DNAAF9: variants seen among roughly 807,000 people sequenced by gnomAD.
The protein encoded by DNAAF9 is shulin.
In DNAAF9, 90 loss-of-function variants were observed where a neutral mutation model predicts 167.0. That is an observed-to-expected ratio of 0.54 (90% CI 0.45 to 0.64). The LOEUF (loss-of-function observed/expected upper bound fraction) is 0.64, where lower values mean the gene tolerates loss of function less well. Ranked by LOEUF, DNAAF9 falls within the 30% of genes least tolerant of loss-of-function variation. DNAAF9 has a pLI of 0.00. For missense variants in DNAAF9, 1,315 were observed against 1,442.2 expected (o/e 0.91, Z 1.43); for synonymous variants, 491 against 508.8 (o/e 0.96, Z 0.47).
At chr20:3,392,166 T>C (rs1294111051) in intron 1 of DNAAF9, among the ~76,000 whole-genome samples, 1 of 152,026 alleles carries the variant, frequency 6.6e-6, no homozygotes, top group Admixed American at 6.6e-5. Context: ...GACTCTTATC[T>C]ACAAAAAGAA....
intron 1 of DNAAF9, among the ~76,000 whole-genome samples, chr20:3,394,447 T>C (rs186587860): frequency 3.4e-3 from 522 of 152,366 alleles, no homozygotes; most frequent in South Asian, 0.017. Flanking sequence ...AAAAATGTTA[T>C]GTAATTAAAT....
chr20:3,402,632 C>T (rs920910803), intron 1 of DNAAF9, among the ~76,000 whole-genome samples: 1 of 151,878 alleles, frequency 6.6e-6, no homozygotes, highest in African/African-American at 2.4e-5. Flanking sequence ...GGCTGGAGTG[C>T]AGTGGCATGA....
chr20:3,386,761 T>C (rs897391512), intron 1 of DNAAF9, among the ~76,000 whole-genome samples: 7 of 147,320 alleles, frequency 4.8e-5, no homozygotes, highest in Admixed American at 3.3e-4. Flanking sequence ...CAAAACTCAA[T>C]GGTAAAAAAA....
At chr20:3,400,327 G>A (rs573170842) in intron 1 of DNAAF9, among the ~76,000 whole-genome samples, 2 of 152,104 alleles carry the variant, frequency 1.3e-5, no homozygotes, top group African/African-American at 4.8e-5. Context: ...ATAAAAGCTG[G>A]AGTAGTAAAC....
At chr20:3,407,365 C>T (rs1254449263) in intron 1 of DNAAF9, 110 bp downstream of exon 1, 4 of 925,598 alleles carry the variant, frequency 4.3e-6, no homozygotes, top group African/African-American at 1.7e-5. Flanking sequence ...AGCAAAGAAC[C>T]GTCCCGAGGA....
intron 10 of DNAAF9, 51 bp downstream of exon 10, chr20:3,340,453 C>CCCCCCCCCCA: frequency 1.0e-6 from 1 of 1,001,258 alleles, no homozygotes. Context: ...CACCCCACCC[C>CCCCCCCCCCA]CACAACTTGA....
At chr20:3,353,597 C>T (rs1256303437) in intron 7 of DNAAF9, among the ~76,000 whole-genome samples, 13 of 150,910 alleles carry the variant, frequency 8.6e-5, no homozygotes, top group Non-Finnish European at 1.9e-4. Context: ...CACTGCACTC[C>T]AGCCTGGGTA....
At position 3,307,145 on chromosome 20, in the gene DNAAF9, G is replaced by C. The variant is rs544014062; in HGVS notation, c.1679-2602C>G. The C allele has an allele frequency of 1.5e-5, 15 of 984,732 alleles. No individual in the cohort carries two copies. In the African/African-American group the frequency reaches 2.6e-4, roughly 17 times the overall value. 61.0% of individuals were successfully genotyped at this position (984,732 alleles called of 1,614,324 possible). ...TCAATAGGAAGATGGGAAAGGATGA[G>C]CGAGGTCATCTCCAGCATTTCCTCT... On this transcript the variant is annotated intron_variant, in intron 20 of 36. Coordinates refer to ENST00000252032, the MANE Select transcript of DNAAF9 (RefSeq NM_001009984.3).
At chr20:3,382,373 CA>C (rs1192392889) in intron 2 of DNAAF9, 53 bp downstream of exon 2, 10 of 1,408,792 alleles carry the variant, frequency 7.1e-6, no homozygotes, top group Non-Finnish European at 1.0e-5. Context: ...TTCCTGTGAA[CA>C]AAAAAAGCCA....
intron 6 of DNAAF9, among the ~76,000 whole-genome samples, chr20:3,365,172 G>A (rs2083413974): frequency 6.6e-6 from 1 of 151,904 alleles, no homozygotes; most frequent in South Asian, 2.1e-4. Context: ...ATGGGATAAT[G>A]TTATGTTGCT....
intron 25 of DNAAF9, among the ~76,000 whole-genome samples, chr20:3,292,370 GA>G (rs2068973650): frequency 6.6e-6 from 1 of 152,134 alleles, no homozygotes; most frequent in Admixed American, 6.5e-5. Flanking sequence ...TTGCCTAAGG[GA>G]AAAAATGACG....
chr20:3,252,609 T>G lies in DNAAF9; in HGVS notation c.3497A>C (p.Gln1166Pro), dbSNP rs1452535535. The G allele has an allele frequency of 1.9e-6, 3 of 1,612,044 alleles. No homozygotes were observed. Among genetic ancestry groups the G allele is most frequent in the Non-Finnish European group, 2.5e-6 (3 of 1,178,072 alleles). ...CTCAAAGAGGTCATGATACTCCTGC[T>G]GTTCCAGCTCCTGGTTATACTTCTC... ...EIEKYNQELE[Q>P]QEYHDLFELK... Residue 1166 changes from glutamine (Q) to proline (P), a missense_variant, in exon 37 of 37, where the codon CAG (glutamine) becomes CCG (proline). Gln to Pro is a moderately conservative substitution (Grantham distance 76, BLOSUM62 -1). Around this residue, in one of 2 missense-constraint regions of DNAAF9, gnomAD observed 334 missense variants for 429.7 expected, o/e 0.78. Transcript: ENST00000252032.
rs2068171624 is a variant in DNAAF9 at position 3,249,805 on chromosome 20, C to A, written c.*2767G>T. The A allele has an allele frequency of 6.6e-6, 1 of 152,174 alleles. No individual in the cohort carries two copies. Among genetic ancestry groups the A allele is most frequent in the Non-Finnish European group, 1.5e-5 (1 of 68,032 alleles). The allele number at this position is 152,174 out of a possible 1,614,324, so 9.4% of individuals were successfully genotyped here. ...TACTGTGCAAAAATTCTCCAAAATCCTAATAGAATTTAGGAGGGAACTTTT... is the reference window on the plus strand; with the variant it reads ...TACTGTGCAAAAATTCTCCAAAATCATAATAGAATTTAGGAGGGAACTTTT... On this transcript the variant is annotated 3_prime_UTR_variant, in exon 37 of 37. Coordinates refer to ENST00000252032, the MANE Select transcript of DNAAF9 (RefSeq NM_001009984.3).
At chr20:3,255,406 T>C (rs1265528679) in intron 34 of DNAAF9, 122 bp from the exon 35 acceptor site, 3 of 651,446 alleles carry the variant, frequency 4.6e-6, no homozygotes, top group Admixed American at 2.3e-5. Flanking sequence ...ACGTGCGCTA[T>C]GGCCTGGATA....
At chr20:3,332,107 G>C (rs559251248) in intron 11 of DNAAF9, among the ~76,000 whole-genome samples, 173 bp downstream of exon 11, 2 of 152,366 alleles carry the variant, frequency 1.3e-5, no homozygotes, top group Admixed American at 1.3e-4. Context: ...CATTCTGTGA[G>C]AAACGTGTTA....
At chr20:3,386,475 C>A (rs1336246903) in intron 1 of DNAAF9, among the ~76,000 whole-genome samples, 1 of 152,076 alleles carries the variant, frequency 6.6e-6, no homozygotes. Context: ...CAAATTAAAG[C>A]ATAGATCTAA....
At chr20:3,382,296 C>T (rs541122081) in intron 2 of DNAAF9, 131 bp downstream of exon 2, 5 of 699,608 alleles carry the variant, frequency 7.1e-6, no homozygotes, top group Middle Eastern at 2.4e-4. Context: ...CAACAAATTT[C>T]GGGGGAACAA....
intron 1 of DNAAF9, among the ~76,000 whole-genome samples, chr20:3,394,942 CTTTTTTCTTTTTTTTTTTTTTTTTTT>C (rs1298609633): frequency 0.018 from 1,634 of 89,030 alleles, 67 homozygotes; most frequent in African/African-American, 0.06. Flanking sequence ...TGAACATTTT[CTTTTTTCTTTTTTTTTTTTTTTTTTT>C]TTTTTTTTTT....
intron 14 of DNAAF9, 53 bp from the exon 15 acceptor site, chr20:3,322,749 A>G: frequency 1.5e-6 from 2 of 1,294,114 alleles, no homozygotes; most frequent in Admixed American, 1.7e-5. Context: ...TGCTCCTCAG[A>G]TACCTGTGCA....
Sources: gnomAD v4.1 joint callset for allele counts (sites outside exome capture counted in the v4.1 genomes callset) on GRCh38, gnomAD v4.1.1 for gene constraint, gnomAD v4.1.1 regional missense constraint, MANE v1.5 for transcripts, NCBI Gene and HGNC (gene_info 2026-07-23, HGNC 2026-07-21) for gene names.